ZFAT: variants seen among roughly 807,000 people sequenced by gnomAD.
The protein encoded by ZFAT is zinc finger and AT-hook domain containing.
A neutral mutation model predicts 117.7 loss-of-function variants in ZFAT; 64 were observed. The ratio of observed to expected loss-of-function variants is 0.54; its 90% CI spans 0.44 to 0.67. The LOEUF (loss-of-function observed/expected upper bound fraction) is 0.67, where lower values mean the gene tolerates loss of function less well. Among genes scored for constraint, ZFAT ranks in the 30% least tolerant of loss-of-function variants. The pLI, the probability that ZFAT is intolerant of heterozygous loss-of-function variation, is 0.00. For missense variants in ZFAT, 1,433 were observed against 1,584.5 expected (o/e 0.90, Z 1.62); for synonymous variants, 679 against 615.0 (o/e 1.10, Z -1.54).
chr8:134,713,100 C>G, upstream of ZFAT: 1 of 419,592 alleles, frequency 2.4e-6, no homozygotes, highest in Non-Finnish European at 4.1e-6. Context: ...GGGTGACCCT[C>G]CCCCGGCGCC....
intron 15 of ZFAT, among the ~76,000 whole-genome samples, chr8:134,479,426 C>T (rs1817132637): frequency 6.6e-6 from 1 of 152,228 alleles, no homozygotes; most frequent in African/African-American, 2.4e-5. Context: ...TCCAAGCTGC[C>T]AGATTCCAGG....
At chr8:134,707,275 C>T (rs561071511) in intron 1 of ZFAT, among the ~76,000 whole-genome samples, 1 of 152,300 alleles carries the variant, frequency 6.6e-6, no homozygotes, top group South Asian at 2.1e-4. Context: ...ATCACAGCAC[C>T]TAGACCCATT....
chr8:134,488,015 C>A (rs955429910), intron 15 of ZFAT, among the ~76,000 whole-genome samples: 1 of 152,172 alleles, frequency 6.6e-6, no homozygotes, highest in Non-Finnish European at 1.5e-5. Context: ...CAGGACTTGA[C>A]CTCCGTACTG....
chr8:134,656,643 CA>C (rs1327318286), intron 2 of ZFAT, among the ~76,000 whole-genome samples: 3 of 152,180 alleles, frequency 2.0e-5, no homozygotes, highest in Admixed American at 2.0e-4. Context: ...GATGAATAGC[CA>C]GCCTATTTAG....
At chr8:134,616,019 A>G (rs1466149419) in intron 3 of ZFAT, among the ~76,000 whole-genome samples, 1 of 152,200 alleles carries the variant, frequency 6.6e-6, no homozygotes, top group Non-Finnish European at 1.5e-5. Context: ...TAAAACACCC[A>G]GTATGTGGGG....
intron 2 of ZFAT, among the ~76,000 whole-genome samples, chr8:134,656,724 G>A (rs1831628322): frequency 6.6e-6 from 1 of 152,180 alleles, no homozygotes; most frequent in African/African-American, 2.4e-5. Flanking sequence ...CTCTGCAATG[G>A]GACACTGACT....
At chr8:134,713,913 C>T (rs2131377431), upstream of ZFAT, among the ~76,000 whole-genome samples, 1 of 152,066 alleles carries the variant, frequency 6.6e-6, no homozygotes, top group East Asian at 1.9e-4. Flanking sequence ...ACCCCGTTAG[C>T]CTCAGAAACA....
intron 11 of ZFAT, among the ~76,000 whole-genome samples, chr8:134,556,863 A>G (rs909311449): frequency 6.6e-6 from 1 of 152,182 alleles, no homozygotes; most frequent in Non-Finnish European, 1.5e-5. Context: ...GAAGAATACC[A>G]GAAAGGTGAA....
intron 2 of ZFAT, among the ~76,000 whole-genome samples, chr8:134,649,612 T>C (rs1354244397): frequency 6.6e-6 from 1 of 152,120 alleles, no homozygotes; most frequent in Non-Finnish European, 1.5e-5. Flanking sequence ...TACAGTAGCA[T>C]CGAAAAGAAT....
intron 3 of ZFAT, among the ~76,000 whole-genome samples, chr8:134,616,153 G>T (rs1563680446): frequency 1.3e-5 from 2 of 152,182 alleles, no homozygotes; most frequent in Non-Finnish European, 2.9e-5. Context: ...TCCTGTACAA[G>T]CCATGCTCCT....
chr8:134,507,100 T>G (rs796952715), intron 15 of ZFAT, among the ~76,000 whole-genome samples: 33 of 152,356 alleles, frequency 2.2e-4, no homozygotes, highest in African/African-American at 7.9e-4. Flanking sequence ...AAAGCTTTCC[T>G]CTTTCCAACT....
At chr8:134,531,380 C>T (rs2130552695) in intron 12 of ZFAT, among the ~76,000 whole-genome samples, 1 of 152,342 alleles carries the variant, frequency 6.6e-6, no homozygotes, top group South Asian at 2.1e-4. Context: ...ATTCTCCCCT[C>T]TGTGATTCCT....
intron 2 of ZFAT, among the ~76,000 whole-genome samples, chr8:134,644,547 CAT>C (rs1830766886): frequency 6.6e-6 from 1 of 152,130 alleles, no homozygotes; most frequent in African/African-American, 2.4e-5. Context: ...ACCACACACA[CAT>C]GCACACTCAC....
chr8:134,712,130 C>G (rs112155230), intron 1 of ZFAT, among the ~76,000 whole-genome samples: 1 of 152,190 alleles, frequency 6.6e-6, no homozygotes, highest in Non-Finnish European at 1.5e-5. Context: ...CAGGCGAGCA[C>G]GCAGGAGTTT....
chr8:134,660,982 GGA>G (rs1307747692), intron 1 of ZFAT, among the ~76,000 whole-genome samples: 5 of 152,228 alleles, frequency 3.3e-5, no homozygotes, highest in African/African-American at 1.2e-4. Context: ...TCTCAGGCAG[GGA>G]AACTGGACCT....
At chr8:134,756,781 C>T in the ZFAT span, among the ~76,000 whole-genome samples, 7 of 152,198 alleles carry the variant, frequency 4.6e-5, no homozygotes, top group African/African-American at 7.2e-5. Flanking sequence ...CTGCAGGATC[C>T]GGAAAGCTGC....
intron 1 of ZFAT, among the ~76,000 whole-genome samples, chr8:134,706,849 C>T (rs950235567): frequency 6.7e-6 from 1 of 149,410 alleles, no homozygotes; most frequent in Non-Finnish European, 1.5e-5. Context: ...CACTTAAGGT[C>T]TATGCATTTC....
At chr8:134,519,137 T>C (rs1442561590) in intron 13 of ZFAT, among the ~76,000 whole-genome samples, 2 of 152,328 alleles carry the variant, frequency 1.3e-5, no homozygotes, top group Non-Finnish European at 2.9e-5. Context: ...AGAAATCAAC[T>C]TGATTAGCTC....
At chr8:134,750,772 A>T in the ZFAT span, among the ~76,000 whole-genome samples, 1 of 152,208 alleles carries the variant, frequency 6.6e-6, no homozygotes. Context: ...TCTCAAAAAC[A>T]AACAAAAATG....
Sources: allele counts gnomAD v4.1 joint callset (sites outside exome capture counted in the v4.1 genomes callset), GRCh38; gene constraint gnomAD v4.1.1; transcripts MANE v1.5; gene names NCBI Gene and HGNC (gene_info 2026-07-23, HGNC 2026-07-21).